Variants in HDAC4 observed in about 807,000 individuals in gnomAD.
HDAC4 encodes the protein histone deacetylase 4, also known as histone deacetylase A.
In HDAC4, 16 loss-of-function variants were observed where a neutral mutation model predicts 135.1. That is an observed-to-expected ratio of 0.12 (90% confidence interval 0.08 to 0.18). The LOEUF is 0.18. HDAC4 is among the 10% of genes least tolerant of loss of function. The pLI is 1.00. For synonymous variants in HDAC4, 685 were observed against 653.4 expected, an observed-to-expected ratio of 1.05 and a Z score of -0.74; for missense variants, 1,143 against 1,511.8, an observed-to-expected ratio of 0.76 and a Z score of 4.05.
chr2:239,263,367 C>T (rs1197326608), intron 2 of HDAC4, among the ~76,000 whole-genome samples: 1 of 149,390 alleles, frequency 6.7e-6, no homozygotes, highest in Non-Finnish European at 1.5e-5. Flanking sequence ...CGAAGCCCGC[C>T]CAGTCCCCTG....
intron 11 of HDAC4, among the ~76,000 whole-genome samples, chr2:239,127,423 T>C (rs182989472): frequency 1.6e-4 from 25 of 152,308 alleles, no homozygotes; most frequent in Admixed American, 1.4e-3. Context: ...CCTAGTGAAG[T>C]ACATTTTTTC....
intron 2 of HDAC4, among the ~76,000 whole-genome samples, chr2:239,328,460 CCT>C (rs370871631): frequency 2.0e-5 from 3 of 152,294 alleles, no homozygotes; most frequent in African/African-American, 7.2e-5. Flanking sequence ...CTGTCCAGCC[CCT>C]GAGTTTCCCA....
rs1205819370 is a variant in HDAC4 at position 239,285,219 on chromosome 2, C to T, written c.23-48555G>A. Among the ~76,000 whole-genome samples the T allele has an allele frequency of 3.3e-5, 5 of 152,300 alleles. No homozygotes were observed. Among genetic ancestry groups the T allele is most frequent in the Admixed American group, 6.5e-5 (1 of 15,300 alleles). ...AGGCAGCTGGATGAGCACAGAGCCA[C>T]GGTGGAGGGGGACAGAGCCACGCTA... On this transcript the variant is annotated intron_variant, in intron 2 of 26. Coordinates refer to ENST00000543185, the MANE Select transcript of HDAC4 (RefSeq NM_001378414.1). The surrounding 1 kb of genome is among the most constrained non-coding windows in gnomAD (Gnocchi z 4.5).
chr2:239,081,808 C>G (rs1481857943), intron 21 of HDAC4, among the ~76,000 whole-genome samples: 1 of 152,182 alleles, frequency 6.6e-6, no homozygotes, highest in Non-Finnish European at 1.5e-5. Context: ...TGGGCCCTGC[C>G]CGGAGGAAAA....
chr2:239,330,884 G>A (rs1452637972), intron 2 of HDAC4, among the ~76,000 whole-genome samples: 1 of 152,168 alleles, frequency 6.6e-6, no homozygotes, highest in African/African-American at 2.4e-5. Context: ...GGTTTAATGT[G>A]GCAAAAGAGA....
intron 13 of HDAC4, among the ~76,000 whole-genome samples, chr2:239,112,257 G>C (rs555841622): frequency 6.6e-6 from 1 of 152,328 alleles, no homozygotes; most frequent in East Asian, 1.9e-4. Flanking sequence ...TACGGTGAGT[G>C]GGCACGAAGC....
intron 3 of HDAC4, among the ~76,000 whole-genome samples, chr2:239,195,522 T>A (rs561855319): frequency 6.6e-6 from 1 of 152,348 alleles, no homozygotes; most frequent in African/African-American, 2.4e-5. Context: ...CACAATCGCA[T>A]TCACGCATTC....
At chr2:239,354,567 T>A (rs1425439193) in intron 1 of HDAC4, among the ~76,000 whole-genome samples, 2 of 128,554 alleles carry the variant, frequency 1.6e-5, no homozygotes, top group Admixed American at 7.4e-5. Context: ...TAGAAATTTT[T>A]TTTTTTTTTT....
At chr2:239,388,829 T>G (rs1696005768) in intron 1 of HDAC4, among the ~76,000 whole-genome samples, 1 of 152,204 alleles carries the variant, frequency 6.6e-6, no homozygotes, top group South Asian at 2.1e-4. Flanking sequence ...TGAGCTGCCA[T>G]TACTTCTATC....
chr2:239,370,357 A>G (rs556303987), intron 1 of HDAC4, among the ~76,000 whole-genome samples: 53 of 152,310 alleles, frequency 3.5e-4, no homozygotes, highest in African/African-American at 1.2e-3. Context: ...AGGGTAGAGT[A>G]AAAGCAGGTA....
chr2:239,381,395 C>T (rs1353242288), intron 1 of HDAC4, among the ~76,000 whole-genome samples: 6 of 148,590 alleles, frequency 4.0e-5, no homozygotes, highest in Non-Finnish European at 8.8e-5. Flanking sequence ...GGAATCGAAA[C>T]CCATTTTTCA....
At chr2:239,109,609 TAAAA>T (rs10543545) in intron 14 of HDAC4, among the ~76,000 whole-genome samples, 8 of 145,414 alleles carry the variant, frequency 5.5e-5, no homozygotes, top group Non-Finnish European at 4.5e-5. Context: ...GGACTTCTGG[TAAAA>T]AAAAAAAAAA....
intron 1 of HDAC4, among the ~76,000 whole-genome samples, chr2:239,378,440 C>A (rs141327156): frequency 2.6e-5 from 4 of 152,142 alleles, no homozygotes; most frequent in African/African-American, 9.7e-5. Context: ...TCTGACACTG[C>A]GCCAGGGCTG....
chr2:239,221,544 C>T lies in HDAC4; in HGVS notation c.94+15049G>A, dbSNP rs939361325. 1.8e-4 allele frequency among the ~76,000 whole-genome samples: 28 copies of T among 152,138 alleles called. 1 individual carries two copies. Among genetic ancestry groups the T allele is most frequent in the African/African-American group, 6.0e-4 (25 of 41,412 alleles). ...CATGCCCATCTCTGTGTCCTCAGCA[C>T]TCACCGCAAGGCCTGGACTCAACTG... On this transcript the variant is annotated intron_variant, in intron 3 of 26. Coordinates refer to ENST00000543185, the MANE Select transcript of HDAC4 (RefSeq NM_001378414.1).
intron 7 of HDAC4, among the ~76,000 whole-genome samples, chr2:239,149,400 A>ATAAC (rs3838515): frequency 6.6e-6 from 1 of 151,916 alleles, no homozygotes; most frequent in Non-Finnish European, 1.5e-5. Flanking sequence ...AAATAAATAA[A>ATAAC]AAGATAATTC....
intron 24 of HDAC4, among the ~76,000 whole-genome samples, chr2:239,059,956 C>T (rs746394158): frequency 3.3e-5 from 5 of 152,218 alleles, no homozygotes; most frequent in Non-Finnish European, 7.3e-5. Flanking sequence ...TTGGATCCAC[C>T]CACGTCCGTC....
chr2:239,229,750 TTTGAG>T (rs1335132531), intron 3 of HDAC4, among the ~76,000 whole-genome samples: 3 of 152,072 alleles, frequency 2.0e-5, no homozygotes, highest in Admixed American at 6.5e-5. Flanking sequence ...TAAAAAAATG[TTTGAG>T]TTAAGATAAG....
chr2:239,121,603 G>C (rs1194391660), intron 12 of HDAC4, among the ~76,000 whole-genome samples: 1 of 152,236 alleles, frequency 6.6e-6, no homozygotes, highest in African/African-American at 2.4e-5. Flanking sequence ...TCCCTTTCAC[G>C]AGGATGAAGC....
chr2:239,063,633 C>T (rs2033098745), intron 24 of HDAC4, among the ~76,000 whole-genome samples: 1 of 152,168 alleles, frequency 6.6e-6, no homozygotes, highest in African/African-American at 2.4e-5. Flanking sequence ...GGCCATGCGT[C>T]CCTCTCTCCC....
Sources: gnomAD v4.1 joint callset for allele counts (sites outside exome capture counted in the v4.1 genomes callset) on GRCh38, gnomAD v4.1.1 for gene constraint, Gnocchi (gnomAD v3.1) non-coding constraint, MANE v1.5 for transcripts, NCBI Gene and HGNC (gene_info 2026-07-23, HGNC 2026-07-21) for gene names.